Variants in ARHGEF11 observed in about 807,000 individuals in gnomAD.
ARHGEF11 encodes Rho guanine exchange factor (GEF) 11.
In ARHGEF11, 55 loss-of-function variants were observed where a neutral mutation model predicts 193.7. The ratio of observed to expected loss-of-function variants is 0.28; its 90% CI spans 0.23 to 0.36. The LOEUF (loss-of-function observed/expected upper bound fraction) is 0.36, where lower values mean the gene tolerates loss of function less well. Among genes scored for constraint, ARHGEF11 ranks in the 10% least tolerant of loss-of-function variants. The pLI is 1.00. For synonymous variants in ARHGEF11, 693 were observed against 768.0 expected (o/e 0.90, Z 1.62); for missense variants, 1,723 against 2,005.6 (o/e 0.86, Z 2.69).
chr1:157,020,723 G>C (rs1281343514), intron 1 of ARHGEF11, among the ~76,000 whole-genome samples: 8 of 152,182 alleles, frequency 5.3e-5, no homozygotes, highest in Admixed American at 5.2e-4. Context: ...TTTTGCAGCA[G>C]ATATATTCTT....
chr1:156,951,493 G>A, intron 22 of ARHGEF11, 80 bp downstream of exon 22: 1 of 1,566,972 alleles, frequency 6.4e-7, no homozygotes, highest in Non-Finnish European at 8.7e-7. Context: ...GGGTCAAGTA[G>A]CTGGAATTAA....
chr1:156,958,655 A>AG (rs1224951237), intron 17 of ARHGEF11, 87 bp downstream of exon 17: 4 of 1,564,992 alleles, frequency 2.6e-6, no homozygotes, highest in Non-Finnish European at 3.5e-6. Flanking sequence ...GAAGTGGAAG[A>AG]GGGGGAGAGG....
intron 17 of ARHGEF11, 47 bp downstream of exon 17, chr1:156,958,695 A>C: frequency 6.2e-7 from 1 of 1,611,538 alleles, no homozygotes; most frequent in Non-Finnish European, 8.5e-7. Context: ...AAATATGTCA[A>C]CCTGCTTAGG....
chr1:156,938,828 C>T (rs749770104), intron 37 of ARHGEF11: 3 of 360,772 alleles, frequency 8.3e-6, no homozygotes, highest in South Asian at 9.7e-5. Flanking sequence ...GGCCCACTAG[C>T]GTGGAACCCC....
Position 156,939,713 on chromosome 1 carries a change from C to A in ARHGEF11, c.3931G>T (p.Glu1311Ter). ...TCTTCCTGCTCTGGCCGTTCCCCCTCCAGCCCTGCAAGCTGGGTGTTGTCC... is the reference window on the plus strand; with the variant it reads ...TCTTCCTGCTCTGGCCGTTCCCCCTACAGCCCTGCAAGCTGGGTGTTGTCC... Reference protein sequence around the residue: ...EGDNTQLAGLEGERPEQEDMG... With the variant: ...EGDNTQLAGL Residue 1311 changes from glutamate to a stop codon, truncating the protein, a stop_gained, in exon 37 of 41, where the codon GAG becomes TAG. Coordinates refer to ENST00000368194, the MANE Select transcript of ARHGEF11 (RefSeq NM_198236.3). LOFTEE classifies it high-confidence loss of function. 1.2e-6 allele frequency: 2 copies of A among 1,614,142 alleles called. No homozygotes were observed. Among genetic ancestry groups the A allele is most frequent in the Non-Finnish European group, 1.7e-6 (2 of 1,180,032 alleles).
intron 35 of ARHGEF11, among the ~76,000 whole-genome samples, chr1:156,941,126 G>A (rs558105231): frequency 3.9e-5 from 6 of 152,288 alleles, no homozygotes; most frequent in South Asian, 2.1e-4. Flanking sequence ...AGCTGATGCC[G>A]TCACCCAGAG....
chr1:157,024,055 G>C (rs1670333381), intron 1 of ARHGEF11, among the ~76,000 whole-genome samples: 1 of 151,930 alleles, frequency 6.6e-6, no homozygotes, highest in African/African-American at 2.4e-5. Context: ...CTGATGAACA[G>C]ATAAATAGAA....
Position 156,961,679 on chromosome 1 carries a change from C to T in ARHGEF11, c.1237G>A (p.Ala413Thr). 9 of 1,613,846 alleles carry T rather than the reference C, an allele frequency of 5.6e-6. No homozygotes were observed. The highest frequency in any genetic ancestry group is 7.6e-6 in the Non-Finnish European group (9 of 1,179,704). The change falls in exon 14 of 41, where the codon GCG (alanine) becomes ACG (threonine). Residue 413 changes from alanine (A) to threonine (T), a missense_variant and splice_region_variant. Around this residue, in one of 5 missense-constraint regions of ARHGEF11, gnomAD observed 646 missense variants for 710.7 expected, o/e 0.91. Transcript: ENST00000368194. ...DIWNIFLEKN[A>T]PLRVKIPEML... The stretch of plus-strand genomic sequence containing the variant: ...AATCCAATCTATGACTGCCTTACCG[C>T]ATTTTTCTCCAGGAAAATATTCCAG...
intron 1 of ARHGEF11, among the ~76,000 whole-genome samples, chr1:156,986,467 G>A (rs1351270879): frequency 6.6e-6 from 1 of 152,182 alleles, no homozygotes; most frequent in Non-Finnish European, 1.5e-5. Flanking sequence ...AGAAGGGGAT[G>A]TGCACACGTG....
At chr1:156,969,150 T>C (rs750514608) in intron 10 of ARHGEF11, 132 bp downstream of exon 10, 158 of 712,884 alleles carry the variant, frequency 2.2e-4, no homozygotes, top group Non-Finnish European at 2.8e-4. Flanking sequence ...GCACAGTGAT[T>C]ATATCCTTGG....
chr1:157,036,128 AATAT>A (rs1350136731), intron 1 of ARHGEF11, among the ~76,000 whole-genome samples: 2 of 139,556 alleles, frequency 1.4e-5, no homozygotes, highest in African/African-American at 5.5e-5. Flanking sequence ...TATATATGAA[AATAT>A]ATATATGAAT....
chr1:156,961,620 C>A (rs528280822), intron 14 of ARHGEF11, 57 bp downstream of exon 14: 1 of 1,503,884 alleles, frequency 6.6e-7, no homozygotes, highest in African/African-American at 1.4e-5. Flanking sequence ...ATTTTCCCTG[C>A]CTCTGAGTAG....
intron 1 of ARHGEF11, among the ~76,000 whole-genome samples, chr1:157,042,694 A>AC: frequency 6.6e-6 from 1 of 151,972 alleles, no homozygotes; most frequent in Non-Finnish European, 1.5e-5. Context: ...GGATATCCAA[A>AC]CCCCCAGGAG....
At chr1:156,959,924 ACCCCCCCTC>A (rs1420592844) in intron 15 of ARHGEF11, among the ~76,000 whole-genome samples, 959 of 77,104 alleles carry the variant, frequency 0.012, 20 homozygotes, top group East Asian at 0.031. Context: ...AACAAAAATA[ACCCCCCCTC>A]CCCCCCCCCC....
intron 1 of ARHGEF11, 46 bp downstream of exon 1, chr1:157,044,253 C>A (rs1245463129): frequency 2.5e-6 from 4 of 1,588,212 alleles, no homozygotes; most frequent in Non-Finnish European, 2.6e-6. Flanking sequence ...CCCTCCCAGT[C>A]TTTCCTTTAG....
chr1:156,956,481 T>A lies in ARHGEF11; in HGVS notation c.1610A>T (p.Glu537Val). The part of the protein sequence containing the change: ...LREARPSNTA[E>V]KAQSAPDKDK... ...CTTGTCAGGAGCAGACTGGGCCTTTTCAGCTGTGTTGGAAGGTCGTGCCTC... is the reference window on the plus strand; with the variant it reads ...CTTGTCAGGAGCAGACTGGGCCTTTACAGCTGTGTTGGAAGGTCGTGCCTC... Residue 537 changes from glutamate (E) to valine (V), a missense_variant, in exon 19 of 41, where the codon GAA (glutamate) becomes GTA (valine). By Grantham distance (121) the Glu-to-Val change is moderately radical. Around this residue, in one of 5 missense-constraint regions of ARHGEF11, gnomAD observed 646 missense variants for 710.7 expected, o/e 0.91. Coordinates refer to ENST00000368194, the MANE Select transcript of ARHGEF11 (RefSeq NM_198236.3). 1.2e-6 allele frequency: 2 copies of A among 1,614,164 alleles called. No individual in the cohort carries two copies.
intron 11 of ARHGEF11, among the ~76,000 whole-genome samples, chr1:156,967,063 G>C (rs1321003932): frequency 3.9e-5 from 6 of 152,198 alleles, no homozygotes; most frequent in Middle Eastern, 3.4e-3. Flanking sequence ...ATAAATGGCA[G>C]CTTTCTTCTA....
chr1:156,961,556 A>G (rs1660853253), intron 14 of ARHGEF11, 121 bp downstream of exon 14: 2 of 802,904 alleles, frequency 2.5e-6, no homozygotes. Flanking sequence ...TTAATCTCTC[A>G]GCCTAGATTT....
In ARHGEF11 at chr1:156,942,037, A is replaced by G. The variant is rs778193894; in HGVS notation, c.3327-48T>C. On this transcript the variant is annotated intron_variant, in intron 33 of 40. Coordinates refer to ENST00000368194, the MANE Select transcript of ARHGEF11 (RefSeq NM_198236.3). ...AGGACTGTAGTGAGAGCAAGATAGC[A>G]GCACGCACCACCCCGTACTGAGCCC... 6 of 1,613,066 alleles carry G rather than the reference A, an allele frequency of 3.7e-6. No individual in the cohort carries two copies. In the South Asian group the frequency reaches 6.6e-5, roughly 18 times the overall value.
Sources: allele counts gnomAD v4.1 joint callset (sites outside exome capture counted in the v4.1 genomes callset), GRCh38; gene constraint gnomAD v4.1.1; regional missense constraint gnomAD v4.1.1; transcripts MANE v1.5; gene names NCBI Gene and HGNC (gene_info 2026-07-23, HGNC 2026-07-21).